The following SLC8A3 variants were observed in gnomAD, a reference collection of about 807,000 sequenced individuals.
The protein encoded by SLC8A3 is sodium/calcium exchanger 3.
A neutral mutation model predicts 65.4 loss-of-function variants in SLC8A3; 37 were observed. The observed-to-expected ratio is 0.57, with a 90% CI of 0.44 to 0.74. The LOEUF is 0.74. Among genes scored for constraint, SLC8A3 ranks in the 30% least tolerant of loss-of-function variants. The pLI is 0.00. For missense variants in SLC8A3, 1,112 were observed against 1,172.1 expected, an observed-to-expected ratio of 0.95 and a Z score of 0.75; for synonymous variants, 461 against 444.5, an observed-to-expected ratio of 1.04 and a Z score of -0.47.
chr14:70,116,495 A>G (rs1028811835), intron 2 of SLC8A3, among the ~76,000 whole-genome samples: 1 of 152,152 alleles, frequency 6.6e-6, no homozygotes, highest in Non-Finnish European at 1.5e-5. Context: ...CATGTTGTGT[A>G]TCATCTCCCC....
intron 2 of SLC8A3, among the ~76,000 whole-genome samples, chr14:70,095,274 G>A (rs761506404): frequency 6.6e-6 from 1 of 152,204 alleles, no homozygotes; most frequent in African/African-American, 2.4e-5. Flanking sequence ...ACTATCCTAA[G>A]AGGGCCCTAG....
chr14:70,185,788 A>G (rs916138886), intron 1 of SLC8A3, among the ~76,000 whole-genome samples: 6 of 152,174 alleles, frequency 3.9e-5, no homozygotes, highest in African/African-American at 1.4e-4. Flanking sequence ...TTAATCACAT[A>G]CATAAATTTA....
intron 3 of SLC8A3, among the ~76,000 whole-genome samples, chr14:70,057,612 T>C (rs935695530): frequency 1.2e-4 from 19 of 152,160 alleles, no homozygotes; most frequent in Non-Finnish European, 2.9e-5. Context: ...TGCTCAGCAG[T>C]TATAGATGGG....
At chr14:70,101,326 A>C (rs1453773916) in intron 2 of SLC8A3, among the ~76,000 whole-genome samples, 2 of 152,246 alleles carry the variant, frequency 1.3e-5, no homozygotes, top group East Asian at 3.8e-4. Context: ...ATGATGTTTC[A>C]GTTATGAGGA....
intron 1 of SLC8A3, among the ~76,000 whole-genome samples, chr14:70,180,105 C>A (rs1882609554): frequency 6.6e-6 from 1 of 152,204 alleles, no homozygotes; most frequent in Admixed American, 6.5e-5. Context: ...AAGAGAGAAC[C>A]ACCTGGGCTC....
chr14:70,182,437 G>C (rs566929247), intron 1 of SLC8A3, among the ~76,000 whole-genome samples: 3 of 152,254 alleles, frequency 2.0e-5, no homozygotes, highest in African/African-American at 7.2e-5. Context: ...GAGAATCTTG[G>C]AGTGGAAGTG....
chr14:70,089,684 A>G lies in SLC8A3; in HGVS notation c.1785-28745T>C, dbSNP rs557376600. On this transcript the variant is annotated intron_variant, in intron 2 of 6. Transcript: ENST00000356921. Reference sequence around the variant, plus strand: ...GGTATCTTTGAATCCATCTGTGTAGATGATGTGTTTAATACATATTGTGTG... The same window carrying G: ...GGTATCTTTGAATCCATCTGTGTAGGTGATGTGTTTAATACATATTGTGTG... 4.3e-4 allele frequency among the ~76,000 whole-genome samples: 66 copies of G among 152,324 alleles called. No homozygotes were observed. In the Middle Eastern group the frequency reaches 0.031, roughly 71 times the overall value.
intron 1 of SLC8A3, among the ~76,000 whole-genome samples, chr14:70,173,007 G>C (rs1897647049): frequency 6.6e-6 from 1 of 152,204 alleles, no homozygotes; most frequent in South Asian, 2.1e-4. Context: ...GGGATTACAA[G>C]ACATGCAGTG....
chr14:70,171,139 G>C (rs1444991695), intron 1 of SLC8A3, among the ~76,000 whole-genome samples: 1 of 152,172 alleles, frequency 6.6e-6, no homozygotes, highest in Non-Finnish European at 1.5e-5. Flanking sequence ...ATGACAGATG[G>C]TAGGCACAGC....
chr14:70,062,396 C>G (rs184140301), intron 2 of SLC8A3, among the ~76,000 whole-genome samples: 1 of 152,260 alleles, frequency 6.6e-6, no homozygotes, highest in East Asian at 1.9e-4. Context: ...TCCCATAAGG[C>G]TATATACTAC....
Position 70,066,553 on chromosome 14 carries a change from G to A in SLC8A3, c.1785-5614C>T, listed in dbSNP as rs149574767. ...TTGGCCAGCGCGGTGCCTCACACCT[G>A]TAATCCCAGTGCTTTGGAAGGCCGA... On this transcript the variant is annotated intron_variant, in intron 2 of 6. Transcript: ENST00000356921. Among the ~76,000 whole-genome samples the A allele has an allele frequency of 8.5e-5, 13 of 152,262 alleles. No individual in the cohort carries two copies. The East Asian group carries it at 2.3e-3, about 27-fold the overall frequency.
intron 2 of SLC8A3, among the ~76,000 whole-genome samples, chr14:70,160,877 C>CA (rs3053363): frequency 0.29 from 39,066 of 133,538 alleles, 5,999 homozygotes; most frequent in East Asian, 0.48. Context: ...AGAAAAGAGA[C>CA]AAAAAAAAAA....
At chr14:70,173,625 C>T (rs1314128763) in intron 1 of SLC8A3, among the ~76,000 whole-genome samples, 3 of 152,314 alleles carry the variant, frequency 2.0e-5, no homozygotes, top group African/African-American at 7.2e-5. Flanking sequence ...TGTCACCAGC[C>T]TGGGTAGAGT....
intron 2 of SLC8A3, among the ~76,000 whole-genome samples, chr14:70,152,603 G>A (rs542353903): frequency 1.3e-5 from 2 of 152,192 alleles, no homozygotes; most frequent in Admixed American, 1.3e-4. Flanking sequence ...GAGAAGAAAG[G>A]GGAGCTCTCT....
Position 70,046,405 on chromosome 14 carries a change from C to T in SLC8A3, c.2390-82G>A. 3 of 1,434,542 alleles carry T rather than the reference C, an allele frequency of 2.1e-6. No individual in the cohort carries two copies. The highest frequency in any genetic ancestry group is 4.6e-5 in the East Asian group (2 of 43,466). The allele number at this position is 1,434,542 out of a possible 1,614,324, so 88.9% of individuals were successfully genotyped here. ...GTCTTCCAGTATGCCCAAAAAGCAG[C>T]TTGAGCTGGTGGGCTGAACCCAGGA... On this transcript the variant is annotated intron_variant, in intron 6 of 6. Coordinates refer to ENST00000356921, the MANE Select transcript of SLC8A3 (RefSeq NM_182932.3). This position sits in a 1 kb window ranked among gnomAD's most constrained non-coding sequence, Gnocchi z 4.2.
intron 2 of SLC8A3, among the ~76,000 whole-genome samples, chr14:70,162,011 TAGAG>T (rs1262608095): frequency 1.3e-5 from 2 of 151,930 alleles, no homozygotes; most frequent in Middle Eastern, 3.4e-3. Context: ...TCAATTCAGA[TAGAG>T]AAAGACTTTT....
At chr14:70,132,179 C>G (rs1377941002) in intron 2 of SLC8A3, among the ~76,000 whole-genome samples, 1 of 152,136 alleles carries the variant, frequency 6.6e-6, no homozygotes, top group Non-Finnish European at 1.5e-5. Flanking sequence ...TGGTGAGTGC[C>G]CCTTTTGGTG....
chr14:70,132,542 G>C (rs1261796061), intron 2 of SLC8A3, among the ~76,000 whole-genome samples: 1 of 152,172 alleles, frequency 6.6e-6, no homozygotes, highest in Admixed American at 6.5e-5. Context: ...GGGCAAGCAG[G>C]TGGGCTCTGG....
chr14:70,156,813 G>A (rs1189999214), intron 2 of SLC8A3, among the ~76,000 whole-genome samples: 1 of 152,184 alleles, frequency 6.6e-6, no homozygotes, highest in African/African-American at 2.4e-5. Flanking sequence ...GGCATGAATG[G>A]CAGGGAAGCT....
Sources: gnomAD v4.1 joint callset for allele counts (sites outside exome capture counted in the v4.1 genomes callset) on GRCh38, gnomAD v4.1.1 for gene constraint, Gnocchi (gnomAD v3.1) non-coding constraint, MANE v1.5 for transcripts, NCBI Gene and HGNC (gene_info 2026-07-23, HGNC 2026-07-21) for gene names.